The following EXOC1 variants were observed in gnomAD, a reference collection of about 807,000 sequenced individuals.
The protein encoded by EXOC1 is SEC3-like 1.
In EXOC1, 67 loss-of-function variants were observed where a neutral mutation model predicts 107.7. The observed-to-expected ratio is 0.62, with a 90% CI of 0.51 to 0.76. The LOEUF is 0.76. Among genes scored for constraint, EXOC1 ranks in the 30% least tolerant of loss-of-function variants. The pLI is 0.00. For synonymous variants in EXOC1, 348 were observed against 353.5 expected, an observed-to-expected ratio of 0.98 and a Z score of 0.17; for missense variants, 833 against 1,055.7, an observed-to-expected ratio of 0.79 and a Z score of 2.92.
Position 55,904,560 on chromosome 4 carries a change from T to C in EXOC1, c.*65T>C. ...GAGTATAACAGACACTATACCAAAA[T>C]ACCAAGCAACTGTTTTGAGAACCCA... is the stretch of plus-strand genomic sequence containing the variant. On this transcript the variant is annotated 3_prime_UTR_variant, in exon 19 of 19. Coordinates refer to ENST00000381295, the MANE Select transcript of EXOC1 (RefSeq NM_001024924.2). 1 of 1,463,230 alleles carries C rather than the reference T, an allele frequency of 6.8e-7. No individual in the cohort carries two copies. Among genetic ancestry groups the C allele is most frequent in the Non-Finnish European group, 9.1e-7 (1 of 1,095,146 alleles). 90.6% of individuals were successfully genotyped at this position (1,463,230 alleles called of 1,614,324 possible). A position where few individuals can be genotyped will look rare whatever the true frequency, so the allele number is the denominator to read the frequency against.
chr4:55,881,873 A>G (rs1216676914), intron 9 of EXOC1, among the ~76,000 whole-genome samples: 1 of 152,176 alleles, frequency 6.6e-6, no homozygotes, highest in Admixed American at 6.5e-5. Context: ...TTCACATTGT[A>G]TAAAGAAAAA....
chr4:55,861,926 C>T (rs944126556), intron 3 of EXOC1, among the ~76,000 whole-genome samples: 19 of 152,288 alleles, frequency 1.2e-4, no homozygotes, highest in African/African-American at 4.3e-4. Context: ...TGGCGGCACA[C>T]GCCTGTAGTC....
chr4:55,867,532 A>G (rs895603935), intron 4 of EXOC1, among the ~76,000 whole-genome samples: 2 of 151,482 alleles, frequency 1.3e-5, no homozygotes, highest in African/African-American at 4.9e-5. Flanking sequence ...CTCAAGCTTT[A>G]TATACAGTGC....
At position 55,875,071 on chromosome 4, in the gene EXOC1, G is replaced by A. The variant is rs531380513; in HGVS notation, c.1075-2846G>A. 2.6e-5 allele frequency among the ~76,000 whole-genome samples: 4 copies of A among 152,150 alleles called. No homozygotes were observed. The South Asian group carries it at 8.3e-4, about 32-fold the overall frequency. On this transcript the variant is annotated intron_variant, in intron 8 of 18. Transcript: ENST00000381295. ...ATTATGTACATAACTTAGAGAAAAT[G>A]AAAATAAACTGAAATGCACTGAACT...
At chr4:55,888,960 A>G (rs375238854) in intron 11 of EXOC1, 28 bp downstream of exon 11, 1 of 1,607,220 alleles carries the variant, frequency 6.2e-7, no homozygotes, top group Non-Finnish European at 8.5e-7. Context: ...ATTAGTAGGT[A>G]TTCTCAATGC....
At chr4:55,902,197 G>A (rs951905578) in intron 17 of EXOC1, 147 bp from the exon 18 acceptor site, 3 of 512,260 alleles carry the variant, frequency 5.9e-6, no homozygotes, top group Admixed American at 4.4e-5. Flanking sequence ...TCAGAAGTAT[G>A]TTAATAAGTG....
At chr4:55,877,494 A>G (rs1291332148) in intron 8 of EXOC1, 1 of 984,916 alleles carries the variant, frequency 1.0e-6, no homozygotes, top group African/African-American at 1.7e-5. Context: ...AAATATTACA[A>G]ACTCTAATGG....
chr4:55,890,676 G>T (rs1448985760), intron 12 of EXOC1, among the ~76,000 whole-genome samples: 1 of 152,088 alleles, frequency 6.6e-6, no homozygotes, highest in African/African-American at 2.4e-5. Flanking sequence ...AAAGTAAGAG[G>T]AAATAAAAGC....
intron 2 of EXOC1, among the ~76,000 whole-genome samples, chr4:55,859,496 A>G (rs1721281704): frequency 6.6e-6 from 1 of 152,086 alleles, no homozygotes; most frequent in Non-Finnish European, 1.5e-5. Context: ...AATCTTGCCA[A>G]ACTTTCTTAT....
intron 16 of EXOC1, among the ~76,000 whole-genome samples, chr4:55,898,745 A>G (rs1725540214): frequency 6.6e-6 from 1 of 152,170 alleles, no homozygotes; most frequent in Non-Finnish European, 1.5e-5. Flanking sequence ...TGGACTCTAT[A>G]TAATCTTAGT....
rs34281712 is a variant in EXOC1, at chr4:55,870,628, T to TTTTGTTTGTTTG, written c.604-30_604-19dup. 1,245 of 1,318,364 alleles carry TTTTGTTTGTTTG rather than the reference T, an allele frequency of 9.4e-4. 10 individuals are homozygous for TTTTGTTTGTTTG. In the African/African-American group the frequency reaches 0.016, roughly 17 times the overall value. 81.7% of individuals were successfully genotyped at this position (1,318,364 alleles called of 1,614,324 possible). A position where few individuals can be genotyped will look rare whatever the true frequency, so the allele number is the denominator to read the frequency against. On this transcript the variant is annotated intron_variant, in intron 5 of 18. Coordinates refer to ENST00000381295, the MANE Select transcript of EXOC1 (RefSeq NM_001024924.2). ...TACACATCTAAATAACAAGTATGTTTTTTGTTTGTTTGTTTGTTTGTTTGT... is the reference window on the plus strand; with the variant it reads ...TACACATCTAAATAACAAGTATGTTTTTTGTTTGTTTGTTTGTTTGTTTGTTTGTTTGTTTGT...
intron 3 of EXOC1, 143 bp from the exon 4 acceptor site, chr4:55,864,084 C>T (rs559642822): frequency 3.4e-6 from 2 of 588,990 alleles, no homozygotes; most frequent in Non-Finnish European, 2.9e-6. Context: ...ATTGAATTCT[C>T]CAAACTCTTC....
rs77829116 is a variant in EXOC1, at chr4:55,870,607, C to T, written c.604-71C>T. 103,130 of 1,420,556 alleles carry T rather than the reference C, an allele frequency of 0.073. 4,312 individuals are homozygous for T. Among genetic ancestry groups the T allele is most frequent in the Non-Finnish European group, 0.085 (87,107 of 1,022,154 alleles). 88.0% of individuals were successfully genotyped at this position (1,420,556 alleles called of 1,614,324 possible). A position where few individuals can be genotyped will look rare whatever the true frequency, so the allele number is the denominator to read the frequency against. On this transcript the variant is annotated intron_variant, in intron 5 of 18. Transcript: ENST00000381295. ...AACATTTCACCTTTATTCTTTTACA[C>T]ATCTAAATAACAAGTATGTTTTTTG...
chr4:55,880,695 G>A, intron 9 of EXOC1, among the ~76,000 whole-genome samples: 1 of 152,100 alleles, frequency 6.6e-6, no homozygotes, highest in East Asian at 1.9e-4. Flanking sequence ...ATATAATGCA[G>A]TATTCATGAA....
At position 55,880,278 on chromosome 4, in the gene EXOC1, AT is replaced by A. The variant is rs1206942566; in HGVS notation, c.1224+2217del. 9.2e-5 allele frequency among the ~76,000 whole-genome samples: 14 copies of A among 151,990 alleles called. No individual in the cohort carries two copies. In the East Asian group the frequency reaches 1.9e-3, roughly 21 times the overall value. On this transcript the variant is annotated intron_variant, in intron 9 of 18. Coordinates refer to ENST00000381295, the MANE Select transcript of EXOC1 (RefSeq NM_001024924.2). ...TATAAACCTTAGTAAAATAAATAAT[AT>A]TTTTAAATTATAATTTTAAAAATGC... is the stretch of plus-strand genomic sequence containing the variant.
In EXOC1 at chr4:55,887,061, G is replaced by C. The variant is rs757374747; in HGVS notation, c.1331-1827G>C. 1.6e-4 allele frequency among the ~76,000 whole-genome samples: 24 copies of C among 152,198 alleles called. 1 individual carries two copies. The highest frequency in any genetic ancestry group is 6.2e-4 in the South Asian group (3 of 4,816). On this transcript the variant is annotated intron_variant, in intron 10 of 18. Transcript: ENST00000381295. ...TTTTTCCCACAGGATTGATGTTTCA[G>C]TGTATTTTTTTCCTTTGTATTCTAC...
chr4:55,864,322 A>G lies in EXOC1; in HGVS notation c.351A>G (p.Lys117=), dbSNP rs1252175207. Residue 117 remains lysine (K), a synonymous_variant, in exon 4 of 19, where the codon AAA becomes AAG. Transcript: ENST00000381295. ...EKNAFISCIW[K]LNQRYLRKKI... ...ATGCATTTATTTCATGCATTTGGAA[A>G]TTGAATCAGCGATATCTCCGGAAGA... The G allele has an allele frequency of 6.2e-7, 1 of 1,611,390 alleles. No homozygotes were observed. Among genetic ancestry groups the G allele is most frequent in the Non-Finnish European group, 8.5e-7 (1 of 1,178,922 alleles).
chr4:55,897,451 A>G (rs973780362), intron 16 of EXOC1, among the ~76,000 whole-genome samples: 5 of 152,166 alleles, frequency 3.3e-5, no homozygotes, highest in Admixed American at 6.5e-5. Flanking sequence ...CATATCTACT[A>G]TACAAGGAAA....
At chr4:55,891,190 A>G (rs907187186) in intron 12 of EXOC1, 125 bp from the exon 13 acceptor site, 9 of 635,248 alleles carry the variant, frequency 1.4e-5, no homozygotes, top group Non-Finnish European at 2.2e-5. Flanking sequence ...CATTGAGATT[A>G]TAAATTCATA....
Sources: allele counts gnomAD v4.1 joint callset (sites outside exome capture counted in the v4.1 genomes callset), GRCh38; gene constraint gnomAD v4.1.1; transcripts MANE v1.5; gene names NCBI Gene and HGNC (gene_info 2026-07-23, HGNC 2026-07-21).